ATM: variants seen among roughly 807,000 people sequenced by gnomAD.
The protein encoded by ATM is serine-protein kinase ATM.
ATM carries 308 observed loss-of-function variants against 387.0 expected under a neutral mutation model. The ratio of observed to expected loss-of-function variants is 0.80; its 90% CI spans 0.73 to 0.87. ATM has a LOEUF of 0.87. Ranked by LOEUF, ATM falls within the 40% of genes least tolerant of loss-of-function variation. The pLI is 0.00. For synonymous variants in ATM, 1,156 were observed against 1,187.3 expected, an observed-to-expected ratio of 0.97 and a Z score of 0.54; for missense variants, 3,312 against 3,560.9, an observed-to-expected ratio of 0.93 and a Z score of 1.78.
chr11:108,329,680 G>T (rs1234004094), intron 49 of ATM, among the ~76,000 whole-genome samples: 1 of 152,168 alleles, frequency 6.6e-6, no homozygotes, highest in East Asian at 1.9e-4. Flanking sequence ...CAAAGTGCTG[G>T]GATTACAGGT....
In ATM at chr11:108,331,937, T is replaced by C. The variant is rs2136520333; in HGVS notation, c.7688T>C (p.Leu2563Ser). ...CACACTTTGTTTATTATACTGGCCT[T>C]AGCAAATGCAAACAGAGATGAATTT... ...PHHTLFIILALANANRDEFLT... is the reference protein window; with the variant it reads ...PHHTLFIILASANANRDEFLT... The change falls in exon 52 of 63, where the codon TTA becomes TCA. Residue 2563 changes from leucine (L) to serine (S), a missense_variant. Leu to Ser is a moderately radical substitution (Grantham distance 145). Around this residue, in one of 4 missense-constraint regions of ATM, gnomAD observed 1,405 missense variants for 1,604.4 expected, o/e 0.88. Coordinates refer to ENST00000675843, the MANE Select transcript of ATM (RefSeq NM_000051.4). The C allele has an allele frequency of 6.2e-7, 1 of 1,613,910 alleles. No homozygotes were observed. Among genetic ancestry groups the C allele is most frequent in the Non-Finnish European group, 8.5e-7 (1 of 1,179,812 alleles).
intron 37 of ATM, among the ~76,000 whole-genome samples, chr11:108,306,836 T>C (rs1192345227): frequency 6.6e-6 from 1 of 152,222 alleles, no homozygotes; most frequent in Non-Finnish European, 1.5e-5. Context: ...CTTTTTTAAA[T>C]GTGTACCTTT....
intron 61 of ATM, among the ~76,000 whole-genome samples, chr11:108,356,767 G>A (rs1403851236): frequency 6.6e-6 from 1 of 152,106 alleles, no homozygotes; most frequent in African/African-American, 2.4e-5. Flanking sequence ...AACTGCTTAT[G>A]GACTTCACTT....
At chr11:108,304,612 A>T in intron 36 of ATM, 63 bp from the exon 37 acceptor site, 1 of 1,515,274 alleles carries the variant, frequency 6.6e-7, no homozygotes, top group African/African-American at 1.4e-5. Flanking sequence ...AATTTTAAGT[A>T]AAATGTATTA....
At chr11:108,347,200 G>T in intron 58 of ATM, 79 bp from the exon 59 acceptor site, 1 of 1,079,638 alleles carries the variant, frequency 9.3e-7, no homozygotes, top group African/African-American at 1.6e-5. Flanking sequence ...CAAGTCAGTG[G>T]TCTTAATTGA....
intron 44 of ATM, among the ~76,000 whole-genome samples, chr11:108,321,059 A>C (rs900981323): frequency 6.6e-6 from 1 of 152,182 alleles, no homozygotes; most frequent in Non-Finnish European, 1.5e-5. Flanking sequence ...TGGTCTTGCT[A>C]TCTCAGGGGT....
chr11:108,314,750 A>G (rs137904706), intron 40 of ATM, among the ~76,000 whole-genome samples: 9 of 152,328 alleles, frequency 5.9e-5, no homozygotes, highest in Non-Finnish European at 1.2e-4. Flanking sequence ...TATAAACAAC[A>G]CAATTTTGTA....
rs780317653 is a variant in ATM, at chr11:108,331,844, T to A, written c.7630-35T>A. 5 of 1,603,340 alleles carry A rather than the reference T, an allele frequency of 3.1e-6. No individual in the cohort carries two copies. The African/African-American group carries it at 6.7e-5, about 21-fold the overall frequency. ...AAAAATATGGATTATATTTTTTTGT[T>A]TATTTGCATAAATCTAATAGTTCTT... On this transcript the variant is annotated intron_variant, in intron 51 of 62. Transcript: ENST00000675843.
intron 25 of ATM, among the ~76,000 whole-genome samples, chr11:108,283,174 G>T (rs1315306960): frequency 6.6e-6 from 1 of 152,142 alleles, no homozygotes; most frequent in Non-Finnish European, 1.5e-5. Context: ...GTTACACAAG[G>T]AGATCTTTCA....
At chr11:108,249,377 T>C (rs547780397) in intron 9 of ATM, among the ~76,000 whole-genome samples, 4 of 152,186 alleles carry the variant, frequency 2.6e-5, no homozygotes, top group Admixed American at 1.3e-4. Flanking sequence ...CAATTAGAAG[T>C]GTGCACCTCA....
rs1555124094 is a variant in ATM at position 108,331,528 on chromosome 11, G to C, written c.7600G>C (p.Gly2534Arg). The C allele has an allele frequency of 2.5e-6, 4 of 1,612,690 alleles. No individual in the cohort carries two copies. Among genetic ancestry groups the C allele is most frequent in the Non-Finnish European group, 3.4e-6 (4 of 1,179,490 alleles). ...AARMGTKMMGGLGFHEVLNNL... is the reference protein window; with the variant it reads ...AARMGTKMMGRLGFHEVLNNL... ...TAGAATGGGGACCAAGATGATGGGA[G>C]GCCTAGGATTTCATGAAGTCCTCAA... The change falls in exon 51 of 63, where the codon GGC (glycine) becomes CGC (arginine). Residue 2534 changes from glycine to arginine, a missense_variant. By Grantham distance (125) the Gly-to-Arg change is moderately radical (BLOSUM62 -2). Transcript: ENST00000675843.
At chr11:108,335,171 A>C in intron 55 of ATM, 62 bp downstream of exon 55, 1 of 1,610,228 alleles carries the variant, frequency 6.2e-7, no homozygotes, top group Non-Finnish European at 8.5e-7. Context: ...TTTAGTTCAT[A>C]TTTTCTTTCT....
rs750427647 is a variant in ATM at position 108,289,594 on chromosome 11, T to C, written c.4237-8T>C. The C allele has an allele frequency of 6.3e-6, 10 of 1,598,374 alleles. No homozygotes were observed. Among genetic ancestry groups the C allele is most frequent in the Non-Finnish European group, 7.7e-6 (9 of 1,172,290 alleles). ...AACAAGTTTTTACTAAATCTGTTTA[T>C]TTTCTAGGATTCCTATCAGAAAATT... is the stretch of plus-strand genomic sequence containing the variant. On this transcript the variant is annotated splice_region_variant and splice_polypyrimidine_tract_variant and intron_variant, in intron 28 of 62. Transcript: ENST00000675843.
At chr11:108,343,017 C>T (rs1565557212) in intron 56 of ATM, among the ~76,000 whole-genome samples, 1 of 152,136 alleles carries the variant, frequency 6.6e-6, no homozygotes, top group Non-Finnish European at 1.5e-5. Flanking sequence ...TCTCAAACAT[C>T]TAGGCAGCAG....
At chr11:108,297,695 A>G (rs1027474639) in intron 33 of ATM, among the ~76,000 whole-genome samples, 1 of 152,140 alleles carries the variant, frequency 6.6e-6, no homozygotes, top group African/African-American at 2.4e-5. Context: ...TCTTTATTAT[A>G]TGAGTGGTTA....
At chr11:108,338,342 ACTT>A (rs755311054) in intron 56 of ATM, among the ~76,000 whole-genome samples, 20 of 152,058 alleles carry the variant, frequency 1.3e-4, no homozygotes, top group Non-Finnish European at 2.6e-4. Flanking sequence ...ACAGACCGAG[ACTT>A]CTTCTCAAAA....
chr11:108,241,612 A>G (rs2079559103), intron 5 of ATM, among the ~76,000 whole-genome samples: 1 of 151,822 alleles, frequency 6.6e-6, no homozygotes, highest in African/African-American at 2.4e-5. Flanking sequence ...GAATGTTGTT[A>G]TGTAGTATGT....
intron 1 of ATM, 61 bp from the exon 2 acceptor site, chr11:108,227,532 CTT>C: frequency 3.8e-6 from 4 of 1,050,814 alleles, no homozygotes; most frequent in Non-Finnish European, 4.3e-6. Context: ...TTTCACACCT[CTT>C]TCTCTCTATA....
At chr11:108,260,625 T>G (rs1427959296) in intron 16 of ATM, among the ~76,000 whole-genome samples, 1 of 152,122 alleles carries the variant, frequency 6.6e-6, no homozygotes, top group African/African-American at 2.4e-5. Context: ...AGAAATAATT[T>G]TGAGGGAGGA....
Sources: allele counts gnomAD v4.1 joint callset (sites outside exome capture counted in the v4.1 genomes callset), GRCh38; gene constraint gnomAD v4.1.1; regional missense constraint gnomAD v4.1.1; transcripts MANE v1.5; gene names NCBI Gene and HGNC (gene_info 2026-07-23, HGNC 2026-07-21).